The following KCNMA1 variants were observed in gnomAD, a reference collection of about 807,000 sequenced individuals.
KCNMA1 encodes potassium calcium-activated channel subfamily M alpha 1, also known as Calcium-activated potassium channel subunit alpha-1.
In KCNMA1, 29 loss-of-function variants were observed where a neutral mutation model predicts 140.0. The observed-to-expected ratio is 0.21, with a 90% CI of 0.15 to 0.28. The LOEUF is 0.28. Ranked by LOEUF, KCNMA1 falls within the 10% of genes least tolerant of loss-of-function variation. The probability of loss-of-function intolerance (pLI) is 1.00; values close to 1 mark genes in which losing one functional copy is unlikely to be tolerated. For missense variants in KCNMA1, 880 were observed against 1,602.2 expected (o/e 0.55, Z 7.70); for synonymous variants, 612 against 611.9 (o/e 1.00, Z 0.00).
chr10:77,085,268 G>A (rs949218748), intron 11 of KCNMA1, among the ~76,000 whole-genome samples: 4 of 152,120 alleles, frequency 2.6e-5, no homozygotes, highest in Admixed American at 1.3e-4. Flanking sequence ...CTTAGTATCC[G>A]ATTAGTATTC....
Position 77,123,179 on chromosome 10 carries a change from C to CAAAAA in KCNMA1, c.809-2136_809-2132dup, listed in dbSNP as rs61374890. Among the ~76,000 whole-genome samples, 73 of 59,646 alleles carry CAAAAA rather than the reference C, an allele frequency of 1.2e-3. 11 individuals carry two copies. The highest frequency in any genetic ancestry group is 1.8e-3 in the South Asian group (2 of 1,130). 39.1% of individuals were successfully genotyped at this position (59,646 alleles called of 152,430 possible). A position where few individuals can be genotyped will look rare whatever the true frequency, so the allele number is the denominator to read the frequency against. ...TGGGCGACAGAGCGAGACTCCGTCT[C>CAAAAA]AAAAAAAAAAAAAAAAAAAAAAAAA... On this transcript the variant is annotated intron_variant, in intron 5 of 27. Coordinates refer to ENST00000286628, the MANE Select transcript of KCNMA1 (RefSeq NM_001161352.2).
At chr10:77,499,180 G>A (rs1428526489) in intron 1 of KCNMA1, among the ~76,000 whole-genome samples, 1 of 152,134 alleles carries the variant, frequency 6.6e-6, no homozygotes, top group Admixed American at 6.5e-5. Context: ...GAAACAAGAT[G>A]TGTTATGAAG....
intron 1 of KCNMA1, among the ~76,000 whole-genome samples, chr10:77,448,499 T>C (rs971270772): frequency 4.6e-5 from 7 of 152,144 alleles, no homozygotes; most frequent in South Asian, 2.1e-4. Flanking sequence ...ATTGTTGACA[T>C]AGTCACTTTA....
downstream of KCNMA1, among the ~76,000 whole-genome samples, chr10:76,881,751 A>T (rs1165753016): frequency 2.0e-5 from 3 of 152,176 alleles, no homozygotes; most frequent in Non-Finnish European, 4.4e-5. Context: ...GGTAGAGAAC[A>T]GGGGTGTGTA....
At chr10:76,976,704 C>T (rs954791750) in intron 19 of KCNMA1, among the ~76,000 whole-genome samples, 3 of 152,100 alleles carry the variant, frequency 2.0e-5, no homozygotes, top group African/African-American at 7.2e-5. Flanking sequence ...AGAATCATTG[C>T]CCAACACTCC....
intron 3 of KCNMA1, among the ~76,000 whole-genome samples, chr10:77,220,610 G>A (rs974593750): frequency 6.6e-6 from 1 of 152,160 alleles, no homozygotes; most frequent in East Asian, 1.9e-4. Context: ...TGGTTTCAAG[G>A]GGTCTTTTCT....
rs774014963 is a variant in KCNMA1, at chr10:76,879,433, C to T, written c.3428-1543G>A. Among the ~76,000 whole-genome samples the T allele has an allele frequency of 2.1e-4, 32 of 152,298 alleles. 1 individual carries two copies. The highest frequency in any genetic ancestry group is 6.8e-3 in the Middle Eastern group (2 of 294). On this transcript the variant is annotated intron_variant, in intron 29 of 29. Coordinates refer to the KCNMA1 transcript ENST00000372403. Reference sequence around the variant, plus strand: ...CGATAGGAATTCATAATGCTACATCCTCACAGTGAAGCTAACTGATTAAGT... The same window carrying T: ...CGATAGGAATTCATAATGCTACATCTTCACAGTGAAGCTAACTGATTAAGT...
At chr10:76,952,809 G>C (rs745507303) in intron 21 of KCNMA1, among the ~76,000 whole-genome samples, 1 of 152,202 alleles carries the variant, frequency 6.6e-6, no homozygotes, top group Non-Finnish European at 1.5e-5. Flanking sequence ...TCCTTGTTTA[G>C]GAAGGGTGGT....
At chr10:76,917,152 T>C (rs2053287362) in intron 23 of KCNMA1, among the ~76,000 whole-genome samples, 1 of 152,198 alleles carries the variant, frequency 6.6e-6, no homozygotes, top group African/African-American at 2.4e-5. Flanking sequence ...GAAGTTTCAT[T>C]CAAAAACATG....
At position 77,442,809 on chromosome 10, in the gene KCNMA1, C is replaced by T. The variant is rs149989873; in HGVS notation, c.379-38786G>A. On this transcript the variant is annotated intron_variant, in intron 1 of 27. Transcript: ENST00000286628. ...CCTCCTTCACACCCAAGAGGAATGA[C>T]CAGGTGGCCACAGGAGTCAGCATGT... 5.4e-4 allele frequency among the ~76,000 whole-genome samples: 82 copies of T among 152,306 alleles called. 2 individuals are homozygous for T. The East Asian group carries it at 0.013, about 23-fold the overall frequency.
At chr10:77,430,068 G>GTT (rs1322493659) in intron 1 of KCNMA1, among the ~76,000 whole-genome samples, 1 of 152,126 alleles carries the variant, frequency 6.6e-6, no homozygotes, top group Non-Finnish European at 1.5e-5. Context: ...AAAATCTTGG[G>GTT]ACCCTCAACT....
intron 5 of KCNMA1, among the ~76,000 whole-genome samples, chr10:77,141,577 T>C (rs907690223): frequency 2.0e-5 from 3 of 152,240 alleles, no homozygotes; most frequent in Non-Finnish European, 2.9e-5. Flanking sequence ...TGATCTCAGA[T>C]GTCCAGCTTT....
intron 1 of KCNMA1, among the ~76,000 whole-genome samples, chr10:77,424,970 T>C (rs1197937516): frequency 3.9e-5 from 6 of 152,244 alleles, no homozygotes; most frequent in Admixed American, 6.5e-5. Flanking sequence ...AGCATGCAAC[T>C]GTGCTCGTTG....
chr10:77,605,494 A>C (rs2084160967), intron 1 of KCNMA1, among the ~76,000 whole-genome samples: 1 of 152,228 alleles, frequency 6.6e-6, no homozygotes, highest in Admixed American at 6.5e-5. Flanking sequence ...TGGAGAGGTC[A>C]GATGATGGGC....
chr10:77,131,416 CT>C (rs1454532753), intron 5 of KCNMA1, among the ~76,000 whole-genome samples: 1 of 151,584 alleles, frequency 6.6e-6, no homozygotes, highest in Non-Finnish European at 1.5e-5. Flanking sequence ...TCAAGTACAT[CT>C]ACATATAACC....
At chr10:77,221,380 G>T (rs1353499782) in intron 3 of KCNMA1, among the ~76,000 whole-genome samples, 1 of 151,984 alleles carries the variant, frequency 6.6e-6, no homozygotes, top group Non-Finnish European at 1.5e-5. Flanking sequence ...GCGCTTCAGG[G>T]ACCCCATGAG....
At chr10:77,468,101 G>A (rs1420408596) in intron 1 of KCNMA1, among the ~76,000 whole-genome samples, 3 of 152,102 alleles carry the variant, frequency 2.0e-5, no homozygotes, top group African/African-American at 7.2e-5. Flanking sequence ...TCCGCCTCCC[G>A]GGTTCCAGTG....
chr10:77,421,790 G>C (rs2096871931), intron 1 of KCNMA1, among the ~76,000 whole-genome samples: 1 of 152,224 alleles, frequency 6.6e-6, no homozygotes, highest in Non-Finnish European at 1.5e-5. Context: ...CAGTTTCCTA[G>C]AGACGGAAGC....
At chr10:77,362,006 T>C (rs1057219667) in intron 2 of KCNMA1, among the ~76,000 whole-genome samples, 1 of 152,162 alleles carries the variant, frequency 6.6e-6, no homozygotes, top group Non-Finnish European at 1.5e-5. Context: ...TTTGTAGCCA[T>C]GCCAGGCCCA....
Sources: gnomAD v4.1 joint callset for allele counts (sites outside exome capture counted in the v4.1 genomes callset) on GRCh38, gnomAD v4.1.1 for gene constraint, MANE v1.5 for transcripts, NCBI Gene and HGNC (gene_info 2026-07-23, HGNC 2026-07-21) for gene names.